Variants in OR10H5 observed in about 807,000 individuals in gnomAD.
OR10H5 encodes the protein olfactory receptor 10H5.
Under a neutral mutation model 12.2 loss-of-function variants are expected in OR10H5, and 7 were observed. The observed-to-expected ratio is 0.57, with a 90% CI of 0.33 to 1.07. The LOEUF is 1.07. OR10H5 is among the 50% of genes least tolerant of loss of function. OR10H5 has a pLI of 0.04. For missense variants in OR10H5, 346 were observed against 411.6 expected, an observed-to-expected ratio of 0.84 and a Z score of 1.38; for synonymous variants, 159 against 175.1, an observed-to-expected ratio of 0.91 and a Z score of 0.73.
intron 1 of OR10H5, among the ~76,000 whole-genome samples, chr19:15,791,842 G>C (rs1011179923): frequency 1.3e-5 from 2 of 151,798 alleles, no homozygotes; most frequent in African/African-American, 4.8e-5. Flanking sequence ...ACAGGCCCCC[G>C]CCACCACGCC....
chr19:15,792,003 G>A (rs1341236419), intron 1 of OR10H5, among the ~76,000 whole-genome samples: 2 of 146,760 alleles, frequency 1.4e-5, no homozygotes, highest in Admixed American at 7.0e-5. Flanking sequence ...CTCCAGCCTA[G>A]GTGACAGAGT....
rs2088857773 is a variant in OR10H5, at chr19:15,799,629, T to C, written c.*4633T>C. 6.6e-6 allele frequency: 1 copy of C among 152,074 alleles called. No individual in the cohort carries two copies. Among genetic ancestry groups the C allele is most frequent in the Non-Finnish European group, 1.5e-5 (1 of 68,024 alleles). The allele number at this position is 152,074 out of a possible 1,614,324, so 9.4% of individuals were successfully genotyped here. Reference sequence around the variant, plus strand: ...TGATGAAACGTTATGTATATAATTGTATGTTGTCTACAAGGTAAACCTTAA... The same window carrying C: ...TGATGAAACGTTATGTATATAATTGCATGTTGTCTACAAGGTAAACCTTAA... On this transcript the variant is annotated 3_prime_UTR_variant, in exon 2 of 2. Coordinates refer to ENST00000642092, the MANE Select transcript of OR10H5 (RefSeq NM_001004466.2).
At chr19:15,793,738 G>A (rs746541946) in intron 1 of OR10H5, among the ~76,000 whole-genome samples, 31 of 152,084 alleles carry the variant, frequency 2.0e-4, no homozygotes, top group Non-Finnish European at 4.1e-4. Flanking sequence ...AAATCAGCTG[G>A]CGTGGTAGCA....
intron 1 of OR10H5, among the ~76,000 whole-genome samples, chr19:15,793,540 A>C (rs1447731474): frequency 6.6e-6 from 1 of 152,008 alleles, no homozygotes; most frequent in African/African-American, 2.4e-5. Flanking sequence ...TGCTGAGATG[A>C]CAGGTGTGAG....
Position 15,794,078 on chromosome 19 carries a change from T to C in OR10H5, c.30T>C (p.Ser10=), listed in dbSNP as rs1369383460. The change falls in exon 2 of 2, where the codon TCT becomes TCC. Residue 10 remains serine, a synonymous_variant. Coordinates refer to ENST00000642092, the MANE Select transcript of OR10H5 (RefSeq NM_001004466.2). ...AGGGGCTAAACCACACCTCCGTGTC[T>C]GAATTCATCCTCGTTGGCTTCTCTG... MQGLNHTSV[S]EFILVGFSAF... 2 of 1,613,954 alleles carry C rather than the reference T, an allele frequency of 1.2e-6. No individual in the cohort carries two copies. The highest frequency in any genetic ancestry group is 1.1e-5 in the South Asian group (1 of 91,056).
chr19:15,789,098 G>T (rs926401820), intron 1 of OR10H5, among the ~76,000 whole-genome samples: 1 of 152,142 alleles, frequency 6.6e-6, no homozygotes, highest in Non-Finnish European at 1.5e-5. Context: ...ACATTCTGAG[G>T]TTCTGAATGA....
chr19:15,795,022 G>C lies in OR10H5; in HGVS notation c.*26G>C. ...AATGGCTGACTTTCTCTCAAGAGATGTAGCGAATGGGAACACTTTAGTCTT... is the reference window on the plus strand; with the variant it reads ...AATGGCTGACTTTCTCTCAAGAGATCTAGCGAATGGGAACACTTTAGTCTT... On this transcript the variant is annotated 3_prime_UTR_variant, in exon 2 of 2. Coordinates refer to ENST00000642092, the MANE Select transcript of OR10H5 (RefSeq NM_001004466.2). 1 of 1,598,440 alleles carries C rather than the reference G, an allele frequency of 6.3e-7. No individual in the cohort carries two copies. Among genetic ancestry groups the C allele is most frequent in the Non-Finnish European group, 8.6e-7 (1 of 1,169,156 alleles).
chr19:15,792,279 A>G (rs1272486754), intron 1 of OR10H5, among the ~76,000 whole-genome samples: 1 of 152,154 alleles, frequency 6.6e-6, no homozygotes, highest in Non-Finnish European at 1.5e-5. Context: ...CTGTGGCAAT[A>G]TCACGTAACT....
rs73509292 is a variant in OR10H5, at chr19:15,795,021, T to C, written c.*25T>C. 2,261 of 1,600,986 alleles carry C rather than the reference T, an allele frequency of 1.4e-3. 24 individuals are homozygous for C. In the African/African-American group the frequency reaches 0.027, roughly 19 times the overall value. On this transcript the variant is annotated 3_prime_UTR_variant, in exon 2 of 2. Transcript: ENST00000642092. Reference sequence around the variant, plus strand: ...AAATGGCTGACTTTCTCTCAAGAGATGTAGCGAATGGGAACACTTTAGTCT... The same window carrying C: ...AAATGGCTGACTTTCTCTCAAGAGACGTAGCGAATGGGAACACTTTAGTCT...
At position 15,795,215 on chromosome 19, in the gene OR10H5, T is replaced by TC; in HGVS notation, c.*224dup. The TC allele has an allele frequency of 2.2e-6, 1 of 445,478 alleles. No individual in the cohort carries two copies. The highest frequency in any genetic ancestry group is 2.5e-5 in the South Asian group (1 of 40,492). The allele number at this position is 445,478 out of a possible 1,614,324, so 27.6% of individuals were successfully genotyped here. On this transcript the variant is annotated 3_prime_UTR_variant, in exon 2 of 2. Transcript: ENST00000642092. ...CTTCCATCCTTCCTCCCTCCCTCCC[T>TC]CCCCCTTCCTTCTTCTCTGCCTACT...
Position 15,794,702 on chromosome 19 carries a change from C to T in OR10H5, c.654C>T (p.Ser218=), listed in dbSNP as rs753494599. The change falls in exon 2 of 2, where the codon TCC becomes TCT. Residue 218 remains serine, a synonymous_variant. Transcript: ENST00000642092. ...GCTGTTTTCTCCTCATCCTCCTCTCCTATGCCTTCATCGTGGCCGCCATCT... is the reference window on the plus strand; with the variant it reads ...GCTGTTTTCTCCTCATCCTCCTCTCTTATGCCTTCATCGTGGCCGCCATCT... ...LLGCFLLILL[S]YAFIVAAILK... 8.1e-6 allele frequency: 13 copies of T among 1,614,054 alleles called. No individual in the cohort carries two copies. Among genetic ancestry groups the T allele is most frequent in the Admixed American group, 1.7e-5 (1 of 60,012 alleles).
In OR10H5 at chr19:15,794,771, C is replaced by T. The variant is rs1431263696; in HGVS notation, c.723C>T (p.Thr241=). 2.5e-6 allele frequency: 4 copies of T among 1,613,374 alleles called. No individual in the cohort carries two copies. In the Admixed American group the frequency reaches 6.7e-5, roughly 27 times the overall value. Residue 241 remains threonine (T), a synonymous_variant, in exon 2 of 2, where the codon ACC becomes ACT. Transcript: ENST00000642092. ...AAGGTCGGAACAAGGCCTTCTCCAC[C>T]TGTGCCTCTCACCTCACTGTGGTGG... is the stretch of plus-strand genomic sequence containing the variant. ...SAEGRNKAFS[T]CASHLTVVVV...
Position 15,794,092 on chromosome 19 carries a change from T to C in OR10H5, c.44T>C (p.Val15Ala). 1 of 1,614,040 alleles carries C rather than the reference T, an allele frequency of 6.2e-7. No homozygotes were observed. Among genetic ancestry groups the C allele is most frequent in the East Asian group, 2.2e-5 (1 of 44,872 alleles). ...ACCTCCGTGTCTGAATTCATCCTCG[T>C]TGGCTTCTCTGCCTTCCCCCACCTC... ...NHTSVSEFIL[V>A]GFSAFPHLQL... The change falls in exon 2 of 2, where the codon GTT becomes GCT. Residue 15 changes from valine (V) to alanine (A), a missense_variant. Transcript: ENST00000642092.
rs1192847717 is a variant in OR10H5, at chr19:15,794,609, G to A, written c.561G>A (p.Leu187=). The stretch of plus-strand genomic sequence containing the variant: ...GCCACGTGCCACCTCTGTTGAAGTT[G>A]GCCTGTGGAGATGATGTGCTGGTGG... ...FFCHVPPLLK[L]ACGDDVLVVA... Residue 187 remains leucine, a synonymous_variant, in exon 2 of 2, where the codon TTG becomes TTA. Coordinates refer to ENST00000642092, the MANE Select transcript of OR10H5 (RefSeq NM_001004466.2). The A allele has an allele frequency of 6.2e-7, 1 of 1,614,176 alleles. No individual in the cohort carries two copies. Among genetic ancestry groups the A allele is most frequent in the Non-Finnish European group, 8.5e-7 (1 of 1,180,028 alleles).
Position 15,793,251 on chromosome 19 carries a change from C to G in OR10H5, c.-11-787C>G, listed in dbSNP as rs114711077. On this transcript the variant is annotated intron_variant, in intron 1 of 1. Coordinates refer to ENST00000642092, the MANE Select transcript of OR10H5 (RefSeq NM_001004466.2). Reference sequence around the variant, plus strand: ...CCTCCCACCTCAGCCTCTCAACTAGCCAGGACCACAGACATGCACCACAAT... The same window carrying G: ...CCTCCCACCTCAGCCTCTCAACTAGGCAGGACCACAGACATGCACCACAAT... Among the ~76,000 whole-genome samples the G allele has an allele frequency of 2.5e-3, 381 of 152,178 alleles. 1 individual carries two copies. Among genetic ancestry groups the G allele is most frequent in the African/African-American group, 8.7e-3 (361 of 41,490 alleles).
rs191279603 is a variant in OR10H5, at chr19:15,787,697, C to T, written c.-31C>T. 3 of 152,300 alleles carry T rather than the reference C, an allele frequency of 2.0e-5. No homozygotes were observed. In the East Asian group the frequency reaches 5.8e-4, roughly 29 times the overall value. The allele number at this position is 152,300 out of a possible 1,614,324, so 9.4% of individuals were successfully genotyped here. On this transcript the variant is annotated 5_prime_UTR_variant, in exon 1 of 2. Coordinates refer to ENST00000642092, the MANE Select transcript of OR10H5 (RefSeq NM_001004466.2). ...ATTACAGGCCTGGCTGCAAGGCGTC[C>T]CTAAAGGTCTCTGATGAAGGTAAGT...
intron 1 of OR10H5, among the ~76,000 whole-genome samples, chr19:15,791,224 T>C (rs1359554963): frequency 6.6e-6 from 1 of 151,942 alleles, no homozygotes; most frequent in East Asian, 1.9e-4. Flanking sequence ...CGGGCACCTG[T>C]AATCCGAGCT....
chr19:15,790,376 G>A (rs1458330238), intron 1 of OR10H5, among the ~76,000 whole-genome samples: 1 of 152,196 alleles, frequency 6.6e-6, no homozygotes, highest in Non-Finnish European at 1.5e-5. Flanking sequence ...GCAGCCTTGA[G>A]AACTGTGTGC....
intron 1 of OR10H5, 155 bp from the exon 2 acceptor site, chr19:15,793,877 TCAAAAA>T (rs1001352764): frequency 4.5e-6 from 3 of 665,410 alleles, no homozygotes; most frequent in Non-Finnish European, 7.5e-6. Context: ...AGACCCCATC[TCAAAAA>T]CTAAAACTAA....
Sources: allele counts gnomAD v4.1 joint callset (sites outside exome capture counted in the v4.1 genomes callset), GRCh38; gene constraint gnomAD v4.1.1; transcripts MANE v1.5; gene names NCBI Gene and HGNC (gene_info 2026-07-23, HGNC 2026-07-21).